Variants in ROBO1 observed in about 807,000 individuals in gnomAD.
The protein encoded by ROBO1 is roundabout homolog 1.
Under a neutral mutation model 195.9 loss-of-function variants are expected in ROBO1, and 149 were observed. That is an observed-to-expected ratio of 0.76 (90% CI 0.67 to 0.87). ROBO1 has a LOEUF of 0.87. ROBO1 is among the 40% of genes least tolerant of loss of function. ROBO1 has a pLI of 0.00. For missense variants in ROBO1, 1,933 were observed against 2,068.3 expected (o/e 0.93, Z 1.27); for synonymous variants, 816 against 733.2 (o/e 1.11, Z -1.82).
chr3:79,126,909 G>GT (rs1447382744), intron 2 of ROBO1, among the ~76,000 whole-genome samples: 2 of 151,066 alleles, frequency 1.3e-5, no homozygotes, highest in Non-Finnish European at 2.9e-5. Context: ...AGTCCACTTG[G>GT]TTTTTTCATG....
chr3:79,719,022 G>T (rs1056823212), intron 1 of ROBO1, among the ~76,000 whole-genome samples: 1 of 152,038 alleles, frequency 6.6e-6, no homozygotes, highest in South Asian at 2.1e-4. Context: ...AGAATGTCTT[G>T]CTGAGTGTGT....
At chr3:79,004,492 A>G (rs1253423049) in intron 3 of ROBO1, among the ~76,000 whole-genome samples, 2 of 152,188 alleles carry the variant, frequency 1.3e-5, no homozygotes, top group Non-Finnish European at 2.9e-5. Flanking sequence ...GCAATATGGC[A>G]TGACTGTGGG....
intron 3 of ROBO1, among the ~76,000 whole-genome samples, chr3:79,024,507 C>A (rs1206862244): frequency 6.6e-6 from 1 of 152,080 alleles, no homozygotes; most frequent in Non-Finnish European, 1.5e-5. Context: ...GGCTCAGTAG[C>A]CAGGGAACTT....
At chr3:78,653,211 T>A (rs1053768585) in intron 18 of ROBO1, among the ~76,000 whole-genome samples, 3 of 148,336 alleles carry the variant, frequency 2.0e-5, no homozygotes, top group African/African-American at 7.3e-5. Context: ...TCCAGTTCCC[T>A]GCCTCCCTCC....
intron 2 of ROBO1, among the ~76,000 whole-genome samples, chr3:79,504,087 A>C (rs909845012): frequency 6.6e-6 from 1 of 152,170 alleles, no homozygotes; most frequent in Non-Finnish European, 1.5e-5. Context: ...TTTTAATATT[A>C]AAAAATTAAC....
At chr3:78,955,992 T>C (rs2041030252) in intron 3 of ROBO1, among the ~76,000 whole-genome samples, 1 of 152,132 alleles carries the variant, frequency 6.6e-6, no homozygotes, top group African/African-American at 2.4e-5. Flanking sequence ...ATCTTGGCTT[T>C]AGCTCTTGCA....
chr3:78,821,067 T>A (rs1179205894), intron 4 of ROBO1, among the ~76,000 whole-genome samples: 3 of 152,082 alleles, frequency 2.0e-5, no homozygotes, highest in Non-Finnish European at 4.4e-5. Flanking sequence ...CAAAATTCAA[T>A]CTTTTAATCT....
intron 2 of ROBO1, among the ~76,000 whole-genome samples, chr3:79,447,111 G>A (rs891464010): frequency 1.3e-5 from 2 of 152,108 alleles, no homozygotes; most frequent in Non-Finnish European, 2.9e-5. Flanking sequence ...TTACAGGCGT[G>A]AGCCACCATG....
intron 4 of ROBO1, among the ~76,000 whole-genome samples, chr3:78,802,571 A>G (rs1001991696): frequency 1.3e-5 from 2 of 152,094 alleles, no homozygotes; most frequent in African/African-American, 4.8e-5. Context: ...CAAAACAAAA[A>G]CACATGATAA....
intron 3 of ROBO1, among the ~76,000 whole-genome samples, chr3:79,115,811 G>A (rs561005277): frequency 2.6e-5 from 4 of 152,200 alleles, no homozygotes; most frequent in Non-Finnish European, 5.9e-5. Flanking sequence ...ACTTCCGTGC[G>A]TAGCAGACCC....
chr3:78,636,965 A>ATATATATATATATATATG (rs1705553631), intron 22 of ROBO1, among the ~76,000 whole-genome samples: 1 of 135,344 alleles, frequency 7.4e-6, no homozygotes, highest in East Asian at 2.1e-4. Context: ...ATATATATAT[A>ATATATATATATATATATG]TATATATGGC....
intron 1 of ROBO1, among the ~76,000 whole-genome samples, chr3:79,596,251 T>C (rs1454098636): frequency 6.6e-6 from 1 of 152,084 alleles, no homozygotes; most frequent in African/African-American, 2.4e-5. Context: ...GAGAGCTCTG[T>C]GCCAGACAGG....
intron 1 of ROBO1, among the ~76,000 whole-genome samples, chr3:79,643,056 T>A (rs1178252050): frequency 6.6e-6 from 1 of 152,146 alleles, no homozygotes; most frequent in East Asian, 1.9e-4. Context: ...ACCCTCACTA[T>A]GTGGGCATCA....
At chr3:79,515,179 G>C (rs1226919684) in intron 2 of ROBO1, among the ~76,000 whole-genome samples, 2 of 152,122 alleles carry the variant, frequency 1.3e-5, no homozygotes, top group Admixed American at 1.3e-4. Context: ...CTGAAAAATA[G>C]CCCAAACCAG....
chr3:79,703,273 C>G lies in ROBO1; in HGVS notation c.-51+64479G>C, dbSNP rs1947671239. Among the ~76,000 whole-genome samples, 3 of 151,560 alleles carry G rather than the reference C, an allele frequency of 2.0e-5. No homozygotes were observed. In the South Asian group the frequency reaches 6.2e-4, roughly 31 times the overall value. The stretch of plus-strand genomic sequence containing the variant: ...CATAATTAGTATCCATTTTTTAGAA[C>G]AGAATACATCCTTCTTTTCATTTTA... On this transcript the variant is annotated intron_variant, in intron 1 of 30. Transcript: ENST00000464233.
chr3:79,454,554 TAA>T, intron 2 of ROBO1, among the ~76,000 whole-genome samples: 1 of 152,196 alleles, frequency 6.6e-6, no homozygotes, highest in African/African-American at 2.4e-5. Flanking sequence ...TAGCATGAGT[TAA>T]AGAGATGTCA....
intron 3 of ROBO1, among the ~76,000 whole-genome samples, chr3:78,979,919 A>G (rs536114463): frequency 6.6e-6 from 1 of 152,278 alleles, no homozygotes; most frequent in Non-Finnish European, 1.5e-5. Flanking sequence ...AATCAACAGT[A>G]ATAAAACTGC....
intron 4 of ROBO1, among the ~76,000 whole-genome samples, chr3:78,858,341 T>C (rs1375763407): frequency 2.6e-5 from 4 of 152,044 alleles, no homozygotes; most frequent in Non-Finnish European, 5.9e-5. Context: ...AGACTGTTGA[T>C]GATGAACTAT....
chr3:79,182,625 T>C (rs2081360973), intron 2 of ROBO1, among the ~76,000 whole-genome samples: 1 of 151,328 alleles, frequency 6.6e-6, no homozygotes, highest in Non-Finnish European at 1.5e-5. Context: ...AGGCTGAAAA[T>C]GTAAGTTTAG....
Sources: gnomAD v4.1 joint callset for allele counts (sites outside exome capture counted in the v4.1 genomes callset) on GRCh38, gnomAD v4.1.1 for gene constraint, MANE v1.5 for transcripts, NCBI Gene and HGNC (gene_info 2026-07-23, HGNC 2026-07-21) for gene names.